The following MYRIP variants were observed in gnomAD, a reference collection of about 807,000 sequenced individuals.
MYRIP encodes myosin VIIA and Rab interacting protein.
In MYRIP, 49 loss-of-function variants were observed where a neutral mutation model predicts 98.0. The observed-to-expected ratio is 0.50, with a 90% CI of 0.40 to 0.63. The LOEUF is 0.63. Ranked by LOEUF, MYRIP falls within the 30% of genes least tolerant of loss-of-function variation. MYRIP has a pLI of 0.00. For synonymous variants in MYRIP, 404 were observed against 409.5 expected (o/e 0.99, Z 0.16); for missense variants, 1,004 against 1,058.2 (o/e 0.95, Z 0.71).
intron 2 of MYRIP, among the ~76,000 whole-genome samples, chr3:40,039,187 G>T (rs1291410383): frequency 6.6e-6 from 1 of 152,076 alleles, no homozygotes; most frequent in Non-Finnish European, 1.5e-5. Context: ...GAAAAGAAGG[G>T]ATTTGTCCAT....
chr3:40,085,844 G>A (rs569966171), intron 3 of MYRIP, among the ~76,000 whole-genome samples: 66 of 152,218 alleles, frequency 4.3e-4, no homozygotes, highest in African/African-American at 1.5e-3. Context: ...TTTGGTAACC[G>A]AAACAAAAAT....
At chr3:40,240,343 CAGA>C (rs1335927530) in intron 12 of MYRIP, among the ~76,000 whole-genome samples, 2 of 152,178 alleles carry the variant, frequency 1.3e-5, no homozygotes, top group African/African-American at 2.4e-5. Flanking sequence ...GTGAGCGATG[CAGA>C]AGACGGGTGA....
intron 3 of MYRIP, among the ~76,000 whole-genome samples, chr3:40,098,307 A>C (rs1005508686): frequency 2.6e-5 from 4 of 152,198 alleles, no homozygotes; most frequent in African/African-American, 9.7e-5. Flanking sequence ...TTTTATGTAT[A>C]GCCTGCATAT....
intron 3 of MYRIP, among the ~76,000 whole-genome samples, chr3:40,101,914 G>A (rs1267786874): frequency 6.6e-6 from 1 of 152,206 alleles, no homozygotes; most frequent in Non-Finnish European, 1.5e-5. Context: ...CTGAGGGTTA[G>A]TGGGCCTCAG....
chr3:40,088,875 A>G (rs936674364), intron 3 of MYRIP, among the ~76,000 whole-genome samples: 2 of 152,154 alleles, frequency 1.3e-5, no homozygotes, highest in Non-Finnish European at 2.9e-5. Flanking sequence ...TGCTGGCTGG[A>G]GGCAGGAAGT....
At chr3:40,225,845 A>T (rs1952472654) in intron 11 of MYRIP, among the ~76,000 whole-genome samples, 1 of 152,200 alleles carries the variant, frequency 6.6e-6, no homozygotes, top group South Asian at 2.1e-4. Context: ...ATTTTATGCA[A>T]CTTGAACTGC....
At chr3:40,042,889 A>G (rs1034951663) in intron 2 of MYRIP, among the ~76,000 whole-genome samples, 1 of 152,172 alleles carries the variant, frequency 6.6e-6, no homozygotes, top group African/African-American at 2.4e-5. Context: ...CATGCCCAGA[A>G]CACTTACATT....
chr3:40,022,758 G>A (rs1477847432), intron 2 of MYRIP, among the ~76,000 whole-genome samples: 1 of 152,106 alleles, frequency 6.6e-6, no homozygotes, highest in Admixed American at 6.6e-5. Context: ...TAAAAGAGAG[G>A]GAAAAGTAGA....
At chr3:40,085,688 T>G (rs2125877152) in intron 3 of MYRIP, among the ~76,000 whole-genome samples, 1 of 152,070 alleles carries the variant, frequency 6.6e-6, no homozygotes, top group East Asian at 1.9e-4. Context: ...TACTTAGGAA[T>G]TAGTGGGTAA....
chr3:40,048,277 G>T (rs1250727520), intron 3 of MYRIP, among the ~76,000 whole-genome samples: 1 of 152,078 alleles, frequency 6.6e-6, no homozygotes, highest in African/African-American at 2.4e-5. Flanking sequence ...CCCATGAGAT[G>T]CATTCCTTTC....
chr3:40,084,713 T>C (rs1948578043), intron 3 of MYRIP, among the ~76,000 whole-genome samples: 2 of 148,578 alleles, frequency 1.3e-5, no homozygotes, highest in African/African-American at 2.5e-5. Flanking sequence ...AGATAATATG[T>C]ATCTATGTAT....
At chr3:40,167,066 C>A in intron 6 of MYRIP, 93 bp from the exon 7 acceptor site, 1 of 1,410,648 alleles carries the variant, frequency 7.1e-7, no homozygotes, top group Non-Finnish European at 1.0e-6. Flanking sequence ...AAGGCCCTCC[C>A]TCTGCTTTTG....
intron 3 of MYRIP, chr3:40,100,126 CCATGAGGA>C (rs1375000582): frequency 1.0e-6 from 1 of 985,294 alleles, no homozygotes; most frequent in African/African-American, 1.7e-5. Context: ...GCTTTTCTGG[CCATGAGGA>C]CATGGAGTGA....
intron 2 of MYRIP, among the ~76,000 whole-genome samples, chr3:39,909,270 G>T (rs896868021): frequency 1.3e-5 from 2 of 152,182 alleles, no homozygotes; most frequent in Admixed American, 1.3e-4. Context: ...TATCTCACAA[G>T]ATTATTTTTA....
At chr3:39,980,870 G>T (rs962389265) in intron 2 of MYRIP, among the ~76,000 whole-genome samples, 1 of 152,186 alleles carries the variant, frequency 6.6e-6, no homozygotes, top group African/African-American at 2.4e-5. Flanking sequence ...GATGGTAGTT[G>T]CCAGGGGCTG....
At chr3:40,097,864 C>T (rs909822974) in intron 3 of MYRIP, among the ~76,000 whole-genome samples, 7 of 152,150 alleles carry the variant, frequency 4.6e-5, no homozygotes, top group Non-Finnish European at 7.4e-5. Context: ...ACAATATGAG[C>T]AACAGGGGTG....
At chr3:40,144,648 A>G (rs1949974812) in intron 3 of MYRIP, among the ~76,000 whole-genome samples, 1 of 152,240 alleles carries the variant, frequency 6.6e-6, no homozygotes, top group Non-Finnish European at 1.5e-5. Flanking sequence ...TTTTAAAGAT[A>G]TCAAATAAAT....
intron 1 of MYRIP, among the ~76,000 whole-genome samples, chr3:39,811,910 C>T (rs1316045093): frequency 6.6e-6 from 1 of 152,106 alleles, no homozygotes. Context: ...TTCCTCCCTG[C>T]CCAGAGGGAT....
At chr3:40,020,725 T>A (rs879589375) in intron 2 of MYRIP, among the ~76,000 whole-genome samples, 1 of 152,234 alleles carries the variant, frequency 6.6e-6, no homozygotes. Context: ...GTAAGGCATA[T>A]AATCACTTTT....
Sources: allele counts gnomAD v4.1 joint callset (sites outside exome capture counted in the v4.1 genomes callset), GRCh38; gene constraint gnomAD v4.1.1; transcripts MANE v1.5; gene names NCBI Gene and HGNC (gene_info 2026-07-23, HGNC 2026-07-21).